PDE1A: variants seen among roughly 807,000 people sequenced by gnomAD.
The protein encoded by PDE1A is dual specificity calcium/calmodulin-dependent 3',5'-cyclic nucleotide phosphodiesterase 1A.
PDE1A carries 35 observed loss-of-function variants against 61.7 expected under a neutral mutation model. The ratio of observed to expected loss-of-function variants is 0.57; its 90% CI spans 0.43 to 0.75. PDE1A has a LOEUF of 0.75. Ranked by LOEUF, PDE1A falls within the 30% of genes least tolerant of loss-of-function variation. The probability of loss-of-function intolerance (pLI) is 0.00; values close to 1 mark genes in which losing one functional copy is unlikely to be tolerated. For missense variants in PDE1A, 597 were observed against 630.6 expected (o/e 0.95, Z 0.57); for synonymous variants, 232 against 213.2 (o/e 1.09, Z -0.77).
intron 1 of PDE1A, among the ~76,000 whole-genome samples, chr2:182,342,086 T>G (rs1698222980): frequency 6.6e-6 from 1 of 152,168 alleles, no homozygotes; most frequent in Non-Finnish European, 1.5e-5. Flanking sequence ...TATAGTTATC[T>G]TTTATATATT....
chr2:182,597,836 T>C, the PDE1A span, among the ~76,000 whole-genome samples: 1 of 152,184 alleles, frequency 6.6e-6, no homozygotes, highest in African/African-American at 2.4e-5. Context: ...AGAGATAACA[T>C]AGTTTCTTTT....
the PDE1A span, among the ~76,000 whole-genome samples, chr2:182,676,445 A>C: frequency 6.6e-6 from 1 of 152,004 alleles, no homozygotes; most frequent in Non-Finnish European, 1.5e-5. Flanking sequence ...CAAAAAAAAA[A>C]AGGCCAGTAC....
At chr2:182,676,398 GCTCTGAA>G in the PDE1A span, among the ~76,000 whole-genome samples, 2 of 151,668 alleles carry the variant, frequency 1.3e-5, no homozygotes, top group East Asian at 3.9e-4. Flanking sequence ...TCAATAATGA[GCTCTGAA>G]ATTGAATCAG....
At position 182,514,329 on chromosome 2, in the gene PDE1A, T is replaced by C. The variant is rs965201028; in HGVS notation, c.101+7947A>G. Among the ~76,000 whole-genome samples the C allele has an allele frequency of 3.3e-5, 5 of 152,142 alleles. 1 individual carries two copies. In the East Asian group the frequency reaches 7.7e-4, roughly 23 times the overall value. ...TTTTTCACAGAATTAGAAAACACTA[T>C]TTTAAAATTTATATTGAATCAAAAA... On this transcript the variant is annotated intron_variant, in intron 2 of 14. Coordinates refer to the PDE1A transcript ENST00000410103.
intron 7 of PDE1A, among the ~76,000 whole-genome samples, chr2:182,207,504 G>C (rs1687209528): frequency 6.6e-6 from 1 of 152,154 alleles, no homozygotes; most frequent in Non-Finnish European, 1.5e-5. Flanking sequence ...AAAAGCCTAT[G>C]CTCATTTGCA....
intron 3 of PDE1A, among the ~76,000 whole-genome samples, chr2:182,238,427 G>A (rs1574110685): frequency 6.6e-6 from 1 of 152,224 alleles, no homozygotes; most frequent in East Asian, 1.9e-4. Flanking sequence ...GATAGTGGAG[G>A]CTTAGATTGT....
chr2:182,474,201 G>A (rs545179261), intron 2 of PDE1A, among the ~76,000 whole-genome samples: 1 of 152,046 alleles, frequency 6.6e-6, no homozygotes, highest in East Asian at 1.9e-4. Flanking sequence ...ACCATGAAGA[G>A]TAAATATTTA....
the PDE1A span, among the ~76,000 whole-genome samples, chr2:182,646,448 G>A: frequency 6.7e-6 from 1 of 149,800 alleles, no homozygotes; most frequent in Non-Finnish European, 1.5e-5. Flanking sequence ...CCAGTACTTT[G>A]GGAGGCCACG....
chr2:182,241,963 G>T (rs370406965), intron 2 of PDE1A: 4 of 1,493,194 alleles, frequency 2.7e-6, no homozygotes, highest in African/African-American at 1.4e-5. Flanking sequence ...AAACTTCATG[G>T]CTTGAAAATA....
rs1685553924 is a variant in PDE1A, at chr2:182,189,991, A to G, written c.1126-931T>C. Among the ~76,000 whole-genome samples the G allele has an allele frequency of 2.0e-5, 3 of 152,214 alleles. No individual in the cohort carries two copies. The South Asian group carries it at 6.2e-4, about 31-fold the overall frequency. ...ACACCAGCCTTGCATCATTAAGTCC[A>G]TAACTTAGGATAAAATACGTAAGGA... On this transcript the variant is annotated intron_variant, in intron 10 of 13. Coordinates refer to ENST00000351439, the Ensembl canonical transcript of PDE1A.
intron 1 of PDE1A, among the ~76,000 whole-genome samples, chr2:182,278,718 T>G (rs1693608536): frequency 6.6e-6 from 1 of 152,002 alleles, no homozygotes; most frequent in African/African-American, 2.4e-5. Context: ...GAATACCTGT[T>G]TGACATTCCA....
chr2:182,400,110 G>A (rs368240193), intron 1 of PDE1A, among the ~76,000 whole-genome samples: 1 of 152,072 alleles, frequency 6.6e-6, no homozygotes, highest in Admixed American at 6.6e-5. Flanking sequence ...TGAAGATTAA[G>A]ATTTTTACAT....
At chr2:182,474,333 G>A (rs560738395) in intron 2 of PDE1A, among the ~76,000 whole-genome samples, 1 of 152,036 alleles carries the variant, frequency 6.6e-6, no homozygotes, top group Non-Finnish European at 1.5e-5. Flanking sequence ...GGACCCAACA[G>A]GAATGCCTCA....
chr2:182,532,828 GT>G, the PDE1A span, among the ~76,000 whole-genome samples: 2 of 150,720 alleles, frequency 1.3e-5, no homozygotes, highest in Non-Finnish European at 3.0e-5. Flanking sequence ...GGCGCCTGTA[GT>G]CCCAGCTACT....
chr2:182,268,894 C>A (rs544477616), intron 1 of PDE1A, among the ~76,000 whole-genome samples: 40 of 152,150 alleles, frequency 2.6e-4, no homozygotes, highest in African/African-American at 9.4e-4. Context: ...CATATAATTT[C>A]AACTTTTTGA....
At chr2:182,418,436 G>T (rs1703057448) in intron 1 of PDE1A, among the ~76,000 whole-genome samples, 1 of 152,124 alleles carries the variant, frequency 6.6e-6, no homozygotes, top group Non-Finnish European at 1.5e-5. Flanking sequence ...AACCATGTTT[G>T]ACCCTTGGGT....
At chr2:182,554,432 T>G in the PDE1A span, among the ~76,000 whole-genome samples, 1 of 152,160 alleles carries the variant, frequency 6.6e-6, no homozygotes, top group Admixed American at 6.5e-5. Context: ...CCATCTGATG[T>G]TGGAAGCCTT....
chr2:182,289,347 G>T (rs1239499916), intron 1 of PDE1A, among the ~76,000 whole-genome samples: 4 of 150,600 alleles, frequency 2.7e-5, no homozygotes. Context: ...AGCAGACCAA[G>T]AAGAAAGACA....
intron 2 of PDE1A, among the ~76,000 whole-genome samples, chr2:182,259,233 G>A (rs1357834862): frequency 6.6e-6 from 1 of 152,116 alleles, no homozygotes; most frequent in Non-Finnish European, 1.5e-5. Flanking sequence ...GTCAACTGAT[G>A]TTTTTACAGA....
Sources: gnomAD v4.1 joint callset for allele counts (sites outside exome capture counted in the v4.1 genomes callset) on GRCh38, gnomAD v4.1.1 for gene constraint, MANE v1.5 for transcripts, NCBI Gene and HGNC (gene_info 2026-07-23, HGNC 2026-07-21) for gene names.